RANBP17: variants seen among roughly 807,000 people sequenced by gnomAD.
RANBP17 encodes the protein ran-binding protein 17.
RANBP17 carries 158 observed loss-of-function variants against 141.2 expected under a neutral mutation model. That is an observed-to-expected ratio of 1.12 (90% confidence interval 0.98 to 1.28). RANBP17 has a LOEUF of 1.28. RANBP17 is among the 50% of genes most tolerant of loss of function. The pLI, the probability that RANBP17 is intolerant of heterozygous loss-of-function variation, is 0.00. For synonymous variants in RANBP17, 430 were observed against 450.0 expected, an observed-to-expected ratio of 0.96 and a Z score of 0.56; for missense variants, 1,438 against 1,290.7, an observed-to-expected ratio of 1.11 and a Z score of -1.75.
chr5:171,031,616 A>G (rs1309061551), intron 14 of RANBP17, among the ~76,000 whole-genome samples: 1 of 151,898 alleles, frequency 6.6e-6, no homozygotes, highest in Admixed American at 6.6e-5. Flanking sequence ...AAATTTCTTC[A>G]TGTTCATTTT....
rs146494823 is a variant in RANBP17, at chr5:171,142,172, G to A, written c.1711-27958G>A. On this transcript the variant is annotated intron_variant, in intron 14 of 27. Coordinates refer to ENST00000523189, the MANE Select transcript of RANBP17 (RefSeq NM_022897.5). ...ACTTTTGGTTTTTAATGATAATAGA[G>A]CTTCCATTTTTTTGTCTTCTGTGCT... Among the ~76,000 whole-genome samples, 267 of 152,232 alleles carry A rather than the reference G, an allele frequency of 1.8e-3. 1 individual carries two copies. Among genetic ancestry groups the A allele is most frequent in the African/African-American group, 5.7e-3 (235 of 41,548 alleles).
At chr5:171,294,860 A>G (rs1258525298) in intron 26 of RANBP17, among the ~76,000 whole-genome samples, 1 of 152,234 alleles carries the variant, frequency 6.6e-6, no homozygotes, top group Non-Finnish European at 1.5e-5. Flanking sequence ...TGACATCACA[A>G]TATTATACTT....
At chr5:171,062,003 A>G (rs376396280) in intron 14 of RANBP17, among the ~76,000 whole-genome samples, 117 of 148,980 alleles carry the variant, frequency 7.9e-4, no homozygotes, top group African/African-American at 2.5e-3. Flanking sequence ...TTTGTTTTCC[A>G]TTTGCTTGGT....
Position 171,140,837 on chromosome 5 carries a change from T to G in RANBP17, c.1711-29293T>G, listed in dbSNP as rs147270230. 2.8e-4 allele frequency among the ~76,000 whole-genome samples: 42 copies of G among 152,314 alleles called. 1 individual carries two copies. The East Asian group carries it at 7.9e-3, about 29-fold the overall frequency. On this transcript the variant is annotated intron_variant, in intron 14 of 27. Transcript: ENST00000523189. ...GGACCTCTTCATCCTACTCTTACAT[T>G]ACTGTGAAGGGTAGATCCATGTGTC...
chr5:171,142,032 C>T (rs563626535), intron 14 of RANBP17, among the ~76,000 whole-genome samples: 26 of 152,150 alleles, frequency 1.7e-4, no homozygotes, highest in African/African-American at 5.8e-4. Flanking sequence ...GGTGAAATAC[C>T]AGCAGATACA....
chr5:170,919,029 TGA>T (rs1772213766), intron 10 of RANBP17, among the ~76,000 whole-genome samples, 170 bp downstream of exon 10: 2 of 152,004 alleles, frequency 1.3e-5, no homozygotes, highest in African/African-American at 4.8e-5. Context: ...TAATAAAAAT[TGA>T]GAAGCTATTT....
intron 14 of RANBP17, among the ~76,000 whole-genome samples, chr5:171,142,725 A>G (rs1318980668): frequency 6.6e-6 from 1 of 152,186 alleles, no homozygotes; most frequent in East Asian, 1.9e-4. Flanking sequence ...TCAAAGGCCT[A>G]CCATGTACCA....
intron 24 of RANBP17, among the ~76,000 whole-genome samples, chr5:171,265,076 CAG>C (rs1766579864): frequency 6.6e-6 from 1 of 152,206 alleles, no homozygotes; most frequent in Non-Finnish European, 1.5e-5. Context: ...TCCTGTAAAA[CAG>C]AGCACTTTGC....
intron 12 of RANBP17, among the ~76,000 whole-genome samples, chr5:170,938,074 C>T (rs1774032821): frequency 6.6e-6 from 1 of 152,176 alleles, no homozygotes; most frequent in African/African-American, 2.4e-5. Context: ...CTCCCAGCCT[C>T]TCCCATCATC....
chr5:171,098,471 T>G (rs1292918439), intron 14 of RANBP17, among the ~76,000 whole-genome samples: 2 of 152,224 alleles, frequency 1.3e-5, no homozygotes, highest in African/African-American at 4.8e-5. Flanking sequence ...TTTGCCCATT[T>G]TTTGATAGCG....
chr5:171,013,329 C>T (rs1780197803), intron 14 of RANBP17, among the ~76,000 whole-genome samples: 1 of 152,124 alleles, frequency 6.6e-6, no homozygotes, highest in African/African-American at 2.4e-5. Context: ...GCCGACTTTC[C>T]TATTGAGAAA....
chr5:171,252,767 A>G (rs1765655021), intron 24 of RANBP17: 8 of 1,326,428 alleles, frequency 6.0e-6, no homozygotes, highest in Non-Finnish European at 8.7e-6. Flanking sequence ...CTTGCTTCAT[A>G]TGAAAGTGTG....
intron 14 of RANBP17, among the ~76,000 whole-genome samples, chr5:171,103,719 G>A (rs1217340756): frequency 6.6e-6 from 1 of 152,148 alleles, no homozygotes; most frequent in Non-Finnish European, 1.5e-5. Context: ...TGAAACGCAG[G>A]GCCCTGGTGG....
rs142057152 is a variant in RANBP17, at chr5:170,876,419, A to G, written c.19-1678A>G. The stretch of plus-strand genomic sequence containing the variant: ...ATTTCTTACCTGGATAAAACAATAT[A>G]ATTTTTACGTATTCATGAACTATAA... On this transcript the variant is annotated intron_variant, in intron 1 of 27. Transcript: ENST00000523189. Among the ~76,000 whole-genome samples, 619 of 152,140 alleles carry G rather than the reference A, an allele frequency of 4.1e-3. 5 individuals are homozygous for G. The highest frequency in any genetic ancestry group is 0.014 in the African/African-American group (597 of 41,496).
At chr5:170,878,971 A>G (rs1768422937) in intron 2 of RANBP17, among the ~76,000 whole-genome samples, 1 of 152,192 alleles carries the variant, frequency 6.6e-6, no homozygotes, top group African/African-American at 2.4e-5. Context: ...GATGAGATTC[A>G]AAATATAATA....
At chr5:171,196,893 G>C (rs905111481) in intron 18 of RANBP17, among the ~76,000 whole-genome samples, 5 of 152,036 alleles carry the variant, frequency 3.3e-5, no homozygotes, top group African/African-American at 1.2e-4. Context: ...GGGCCCAGGG[G>C]ATCCTCCTAC....
intron 12 of RANBP17, among the ~76,000 whole-genome samples, chr5:170,947,677 C>T (rs1774871454): frequency 6.6e-6 from 1 of 152,074 alleles, no homozygotes. Context: ...CTTCTTTACT[C>T]ACCTGTCTGG....
intron 25 of RANBP17, among the ~76,000 whole-genome samples, chr5:171,266,399 T>C (rs1362097121): frequency 6.6e-6 from 1 of 152,248 alleles, no homozygotes; most frequent in Non-Finnish European, 1.5e-5. Flanking sequence ...ATTTGTTTAT[T>C]TTCTAGTGTA....
chr5:171,197,823 G>A (rs1425478170), intron 18 of RANBP17, among the ~76,000 whole-genome samples: 3 of 152,200 alleles, frequency 2.0e-5, no homozygotes, highest in African/African-American at 7.2e-5. Context: ...CGGATCACGA[G>A]GTCAGGAGAT....
Sources: gnomAD v4.1 joint callset for allele counts (sites outside exome capture counted in the v4.1 genomes callset) on GRCh38, gnomAD v4.1.1 for gene constraint, MANE v1.5 for transcripts, NCBI Gene and HGNC (gene_info 2026-07-23, HGNC 2026-07-21) for gene names.